The following NDUFAF6 variants were observed in gnomAD, a reference collection of about 807,000 sequenced individuals.
NDUFAF6 encodes NADH dehydrogenase (ubiquinone) complex I, assembly factor 6.
Under a neutral mutation model 40.8 loss-of-function variants are expected in NDUFAF6, and 45 were observed. The ratio of observed to expected loss-of-function variants is 1.10; its 90% CI spans 0.87 to 1.42. The LOEUF is 1.42. NDUFAF6 is among the 40% of genes most tolerant of loss of function. NDUFAF6 has a pLI of 0.00. For synonymous variants in NDUFAF6, 185 were observed against 155.9 expected (o/e 1.19, Z -1.39); for missense variants, 435 against 418.5 (o/e 1.04, Z -0.34).
At chr8:94,965,906 AT>A (rs1487526911) in intron 1 of NDUFAF6, among the ~76,000 whole-genome samples, 2 of 152,160 alleles carry the variant, frequency 1.3e-5, no homozygotes, top group Non-Finnish European at 2.9e-5. Context: ...ATGAAGTAAT[AT>A]TTTTATGGTC....
At chr8:95,009,686 T>C (rs919641677) in intron 2 of NDUFAF6, among the ~76,000 whole-genome samples, 9 of 152,100 alleles carry the variant, frequency 5.9e-5, no homozygotes, top group African/African-American at 2.2e-4. Flanking sequence ...GCAGTCTGGA[T>C]AGAAAGTTGA....
chr8:94,899,472 C>T (rs1216801392), intron 1 of NDUFAF6, among the ~76,000 whole-genome samples: 2 of 152,030 alleles, frequency 1.3e-5, no homozygotes, highest in Non-Finnish European at 2.9e-5. Flanking sequence ...TAGGCTGTAC[C>T]CCAAGCCTTC....
intron 2 of NDUFAF6, among the ~76,000 whole-genome samples, chr8:95,008,139 C>T (rs1258766093): frequency 6.6e-6 from 1 of 152,208 alleles, no homozygotes; most frequent in Non-Finnish European, 1.5e-5. Flanking sequence ...AAGCCCAGGC[C>T]AGATGGCTTT....
intron 8 of NDUFAF6, among the ~76,000 whole-genome samples, chr8:95,052,810 T>C (rs1347627791): frequency 6.6e-6 from 1 of 152,148 alleles, no homozygotes; most frequent in Non-Finnish European, 1.5e-5. Flanking sequence ...GAATCTGTGA[T>C]TTTAAGAAGT....
At chr8:95,104,620 G>A (rs901020683), downstream of NDUFAF6, among the ~76,000 whole-genome samples, 5 of 152,186 alleles carry the variant, frequency 3.3e-5, no homozygotes, top group African/African-American at 9.7e-5. Flanking sequence ...TGGAGCAAAG[G>A]CCATTATAAC....
chr8:94,974,634 G>C (rs1488399743), intron 1 of NDUFAF6: 1 of 152,694 alleles, frequency 6.5e-6, no homozygotes, highest in African/African-American at 2.4e-5. Flanking sequence ...ATGCTGAGCG[G>C]TGAGGCTGTG....
chr8:94,998,929 G>GGTGT (rs150656787), intron 2 of NDUFAF6, among the ~76,000 whole-genome samples: 7 of 150,914 alleles, frequency 4.6e-5, no homozygotes, highest in African/African-American at 1.7e-4. Flanking sequence ...TGGAGAGCAG[G>GGTGT]GTGTGTGTGT....
chr8:94,957,727 C>T (rs375026511), upstream of NDUFAF6, among the ~76,000 whole-genome samples: 1 of 152,142 alleles, frequency 6.6e-6, no homozygotes, highest in Non-Finnish European at 1.5e-5. Flanking sequence ...AACGTGGAAG[C>T]GGCCAACCCA....
chr8:95,113,324 G>T (rs559334605), intron 4 of NDUFAF6, among the ~76,000 whole-genome samples: 2 of 152,332 alleles, frequency 1.3e-5, no homozygotes, highest in East Asian at 3.9e-4. Context: ...TGCCAGAGGG[G>T]ATAGTAGCTG....
intron 2 of NDUFAF6, among the ~76,000 whole-genome samples, chr8:95,003,352 G>A (rs762306471): frequency 2.0e-5 from 3 of 152,210 alleles, no homozygotes; most frequent in East Asian, 1.9e-4. Flanking sequence ...CTTACGTCAC[G>A]GAGAGGGCAT....
chr8:95,104,523 A>G (rs544376369), downstream of NDUFAF6, among the ~76,000 whole-genome samples: 1 of 152,054 alleles, frequency 6.6e-6, no homozygotes, highest in African/African-American at 2.4e-5. Flanking sequence ...AAAGGTACTG[A>G]CTTTCCTTTT....
intron 1 of NDUFAF6, chr8:94,931,971 CAAAAA>C: frequency 7.9e-7 from 1 of 1,262,384 alleles, no homozygotes; most frequent in Non-Finnish European, 1.1e-6. Flanking sequence ...GACTCCATCT[CAAAAA>C]AAGAAAGAAA....
intron 1 of NDUFAF6, among the ~76,000 whole-genome samples, chr8:94,905,021 G>A (rs539331230): frequency 6.6e-6 from 1 of 152,220 alleles, no homozygotes; most frequent in African/African-American, 2.4e-5. Context: ...CCAACATGGT[G>A]AAACCCTGTC....
intron 1 of NDUFAF6, chr8:94,896,727 C>G (rs114223716): frequency 0.072 from 10,997 of 152,188 alleles, 475 homozygotes; most frequent in African/African-American, 0.082. Context: ...CGGCGACCCC[C>G]GCTCCCGCCC....
At chr8:94,994,201 G>A (rs529996156) in intron 2 of NDUFAF6, among the ~76,000 whole-genome samples, 1 of 152,292 alleles carries the variant, frequency 6.6e-6, no homozygotes, top group African/African-American at 2.4e-5. Context: ...AATGACCAAT[G>A]TGTGGTTCTA....
chr8:95,004,621 A>G (rs1021852066), intron 2 of NDUFAF6, among the ~76,000 whole-genome samples: 1 of 152,110 alleles, frequency 6.6e-6, no homozygotes, highest in Non-Finnish European at 1.5e-5. Context: ...AAGTGCTGGG[A>G]TTACAGGCGT....
At chr8:94,995,045 A>G (rs1826362182) in intron 2 of NDUFAF6, among the ~76,000 whole-genome samples, 1 of 152,264 alleles carries the variant, frequency 6.6e-6, no homozygotes, top group Non-Finnish European at 1.5e-5. Context: ...TTGCAGCATT[A>G]TTCATAATAG....
intron 4 of NDUFAF6, among the ~76,000 whole-genome samples, chr8:95,109,597 G>T (rs1409393271): frequency 1.4e-3 from 184 of 134,810 alleles, no homozygotes; most frequent in Middle Eastern, 0.011. Context: ...TAGAGAGAGA[G>T]AGAGAGAGAG....
downstream of NDUFAF6, among the ~76,000 whole-genome samples, chr8:95,106,505 A>C (rs139465894): frequency 6.6e-6 from 1 of 152,190 alleles, no homozygotes; most frequent in African/African-American, 2.4e-5. Context: ...AGATTGAAAC[A>C]TAAGACCTAA....
Sources: gnomAD v4.1 joint callset for allele counts (sites outside exome capture counted in the v4.1 genomes callset) on GRCh38, gnomAD v4.1.1 for gene constraint, MANE v1.5 for transcripts, NCBI Gene and HGNC (gene_info 2026-07-23, HGNC 2026-07-21) for gene names.